Variants in TEX9 observed in about 807,000 individuals in gnomAD.
TEX9 encodes testis expressed 9.
A neutral mutation model predicts 59.6 loss-of-function variants in TEX9; 74 were observed. The observed-to-expected ratio is 1.24, with a 90% CI of 1.03 to 1.51. The LOEUF (loss-of-function observed/expected upper bound fraction) is 1.51, where lower values mean the gene tolerates loss of function less well. Ranked by LOEUF, TEX9 falls within the 40% of genes most tolerant of loss-of-function variation. The pLI is 0.00. For synonymous variants in TEX9, 186 were observed against 152.2 expected (o/e 1.22, Z -1.64); for missense variants, 522 against 447.8 (o/e 1.17, Z -1.49).
Position 56,306,752 on chromosome 15 carries a change from A to G in TEX9, c.-107+62474A>G, listed in dbSNP as rs890783619. On this transcript the variant is annotated intron_variant, in intron 1 of 5. Transcript: ENST00000560827. ...TTTTAAAAATAACTGAAAGACTATA[A>G]TTGGAATGTTTGTAACATAAAGGAT... Among the ~76,000 whole-genome samples, 5 of 152,324 alleles carry G rather than the reference A, an allele frequency of 3.3e-5. No homozygotes were observed. In the East Asian group the frequency reaches 9.6e-4, roughly 29 times the overall value.
intron 1 of TEX9, among the ~76,000 whole-genome samples, chr15:56,271,784 CTT>C (rs2044538441): frequency 1.3e-5 from 2 of 152,126 alleles, no homozygotes; most frequent in East Asian, 3.8e-4. Flanking sequence ...AGTCAAGTCT[CTT>C]TTTAATTATT....
chr15:56,428,306 CTGTTGTTTGGTGGCCTA>C, intron 11 of TEX9, 44 bp from the exon 12 acceptor site: 2 of 1,225,568 alleles, frequency 1.6e-6, no homozygotes, highest in South Asian at 2.5e-5. Flanking sequence ...TACAAACTTC[CTGTTGTTTGGTGGCCTA>C]CTCTTAATAC....
At chr15:56,427,224 G>A (rs1421213051) in intron 10 of TEX9, among the ~76,000 whole-genome samples, 3 of 151,914 alleles carry the variant, frequency 2.0e-5, no homozygotes, top group African/African-American at 2.4e-5. Context: ...GGATCATATC[G>A]CTTCCAGTTT....
intron 3 of TEX9, among the ~76,000 whole-genome samples, chr15:56,380,698 TTAAAATC>T (rs1460174926): frequency 1.3e-5 from 2 of 152,202 alleles, no homozygotes; most frequent in African/African-American, 2.4e-5. Flanking sequence ...TATTCTAAGG[TTAAAATC>T]TATATTTTTT....
chr15:56,322,413 C>T (rs1292840472), intron 1 of TEX9, among the ~76,000 whole-genome samples: 6 of 152,128 alleles, frequency 3.9e-5, no homozygotes, highest in African/African-American at 1.4e-4. Context: ...AGAAAACCAT[C>T]GTGGTCATGC....
chr15:56,443,980 T>C, intron 12 of TEX9: 3 of 741,044 alleles, frequency 4.0e-6, no homozygotes, highest in Non-Finnish European at 6.2e-6. Flanking sequence ...AACAAACATT[T>C]TGAATGCTTA....
intron 9 of TEX9, among the ~76,000 whole-genome samples, chr15:56,407,931 A>G (rs1177701708): frequency 6.6e-6 from 1 of 152,228 alleles, no homozygotes; most frequent in Admixed American, 6.5e-5. Flanking sequence ...GCACTTGTGC[A>G]CTGGATTCTA....
chr15:56,407,282 G>T (rs1465488313), intron 9 of TEX9, among the ~76,000 whole-genome samples: 1 of 152,076 alleles, frequency 6.6e-6, no homozygotes, highest in African/African-American at 2.4e-5. Context: ...GAACTATTCT[G>T]TTATATTGAT....
In TEX9 at chr15:56,394,046, T is replaced by C. The variant is rs1304213019; in HGVS notation, c.572-119T>C. On this transcript the variant is annotated intron_variant, in intron 7 of 12. Transcript: ENST00000352903. Reference sequence around the variant, plus strand: ...TACCTATAGTGCCCCCTAACAGATATCTCCTATTTGACTCCCCATCTTGAG... The same window carrying C: ...TACCTATAGTGCCCCCTAACAGATACCTCCTATTTGACTCCCCATCTTGAG... 10 of 818,142 alleles carry C rather than the reference T, an allele frequency of 1.2e-5. No homozygotes were observed. In the African/African-American group the frequency reaches 1.2e-4, roughly 10 times the overall value. The allele number at this position is 818,142 out of a possible 1,614,324, so 50.7% of individuals were successfully genotyped here.
chr15:56,315,320 T>G (rs1451544158), intron 1 of TEX9, among the ~76,000 whole-genome samples: 1 of 145,752 alleles, frequency 6.9e-6, no homozygotes, highest in African/African-American at 2.5e-5. Flanking sequence ...AGTGCTTCCT[T>G]CAGGAGCTCT....
intron 1 of TEX9, among the ~76,000 whole-genome samples, chr15:56,258,612 C>T (rs2044195244): frequency 6.6e-6 from 1 of 151,954 alleles, no homozygotes. Flanking sequence ...TTTAGGAATG[C>T]TAGCGATTTT....
chr15:56,395,550 C>A (rs778432848), intron 9 of TEX9: 1 of 152,150 alleles, frequency 6.6e-6, no homozygotes, highest in Non-Finnish European at 1.5e-5. Context: ...GAATTGCTGA[C>A]TGTTTTCCAA....
At chr15:56,317,892 T>A (rs2045813850) in intron 1 of TEX9, among the ~76,000 whole-genome samples, 1 of 152,180 alleles carries the variant, frequency 6.6e-6, no homozygotes, top group African/African-American at 2.4e-5. Flanking sequence ...AGGCTTGTTT[T>A]ATGGCCTAAC....
intron 2 of TEX9, among the ~76,000 whole-genome samples, chr15:56,372,748 AGT>A (rs570072683): frequency 2.5e-4 from 38 of 152,322 alleles, no homozygotes; most frequent in African/African-American, 8.9e-4. Flanking sequence ...GATTATGGGC[AGT>A]TTTTCGTTTA....
chr15:56,373,371 G>A (rs1301670194), intron 2 of TEX9, 70 bp from the exon 3 acceptor site: 8 of 1,432,264 alleles, frequency 5.6e-6, no homozygotes, highest in Non-Finnish European at 7.6e-6. Context: ...TTGATAACGT[G>A]TAATTGCTGA....
At chr15:56,311,429 T>G (rs1460979322) in intron 1 of TEX9, among the ~76,000 whole-genome samples, 1 of 137,446 alleles carries the variant, frequency 7.3e-6, no homozygotes, top group African/African-American at 2.6e-5. Flanking sequence ...TTACTGAGAA[T>G]GATGATTTCC....
chr15:56,394,577 C>A, intron 8 of TEX9, 84 bp from the exon 9 acceptor site: 1 of 995,722 alleles, frequency 1.0e-6, no homozygotes, highest in Non-Finnish European at 1.5e-6. Flanking sequence ...TATCAAAGAA[C>A]ATATGAAACG....
chr15:56,381,429 T>G (rs1416231052), intron 3 of TEX9, among the ~76,000 whole-genome samples: 1 of 152,224 alleles, frequency 6.6e-6, no homozygotes, highest in Non-Finnish European at 1.5e-5. Context: ...TTTGGCAAAG[T>G]CATGTTTTCC....
chr15:56,384,774 G>T (rs149713327), intron 4 of TEX9, among the ~76,000 whole-genome samples: 1 of 152,188 alleles, frequency 6.6e-6, no homozygotes, highest in Non-Finnish European at 1.5e-5. Flanking sequence ...ACTATCATCT[G>T]TGGTAAATTG....
Sources: gnomAD v4.1 joint callset for allele counts (sites outside exome capture counted in the v4.1 genomes callset) on GRCh38, gnomAD v4.1.1 for gene constraint, MANE v1.5 for transcripts, NCBI Gene and HGNC (gene_info 2026-07-23, HGNC 2026-07-21) for gene names.